PARVA: variants seen among roughly 807,000 people sequenced by gnomAD.
PARVA encodes the protein parvin alpha.
A neutral mutation model predicts 52.6 loss-of-function variants in PARVA; 25 were observed. The ratio of observed to expected loss-of-function variants is 0.48; its 90% CI spans 0.35 to 0.66. PARVA has a LOEUF of 0.66. Ranked by LOEUF, PARVA falls within the 30% of genes least tolerant of loss-of-function variation. The pLI, the probability that PARVA is intolerant of heterozygous loss-of-function variation, is 0.01. For missense variants in PARVA, 373 were observed against 450.9 expected (o/e 0.83, Z 1.56); for synonymous variants, 185 against 179.1 (o/e 1.03, Z -0.26).
chr11:12,388,865 AT>A (rs1292156946), intron 1 of PARVA, among the ~76,000 whole-genome samples: 1 of 151,776 alleles, frequency 6.6e-6, no homozygotes, highest in Non-Finnish European at 1.5e-5. Context: ...CTTTGGTCTC[AT>A]TTTTTTTCTT....
chr11:12,444,066 G>C (rs992537814), intron 1 of PARVA, among the ~76,000 whole-genome samples: 1 of 152,168 alleles, frequency 6.6e-6, no homozygotes, highest in Non-Finnish European at 1.5e-5. Context: ...TGGCTTCAGG[G>C]AGGCAGGTTT....
At chr11:12,462,100 TGGGAAAA>T (rs1335186688) in intron 1 of PARVA, among the ~76,000 whole-genome samples, 1 of 152,202 alleles carries the variant, frequency 6.6e-6, no homozygotes, top group African/African-American at 2.4e-5. Context: ...CAATCTCACA[TGGGAAAA>T]AAGTGAACCC....
chr11:12,423,240 G>A (rs1028832819), intron 1 of PARVA, among the ~76,000 whole-genome samples: 11 of 149,006 alleles, frequency 7.4e-5, no homozygotes, highest in African/African-American at 2.0e-4. Context: ...CTGCAGTGGC[G>A]TGAACACAGC....
chr11:12,436,603 G>A (rs1475744621), intron 1 of PARVA, among the ~76,000 whole-genome samples: 1 of 152,156 alleles, frequency 6.6e-6, no homozygotes, highest in Non-Finnish European at 1.5e-5. Context: ...AGGCCACAGG[G>A]AGACATTGAG....
At chr11:12,466,864 A>C (rs1940860636) in intron 1 of PARVA, among the ~76,000 whole-genome samples, 1 of 152,004 alleles carries the variant, frequency 6.6e-6, no homozygotes, top group Admixed American at 6.5e-5. Context: ...TTTGTTGGCT[A>C]CTCTAGGTCT....
At chr11:12,508,075 T>C (rs960664159) in intron 6 of PARVA, among the ~76,000 whole-genome samples, 21 of 139,062 alleles carry the variant, frequency 1.5e-4, no homozygotes, top group African/African-American at 5.2e-4. Flanking sequence ...TACTACTTAT[T>C]TAAAAGCTCC....
intron 1 of PARVA, among the ~76,000 whole-genome samples, chr11:12,426,091 C>T (rs1025450154): frequency 1.3e-5 from 2 of 152,058 alleles, no homozygotes; most frequent in Non-Finnish European, 2.9e-5. Flanking sequence ...TTCACAGTAC[C>T]GGGGGAGACG....
intron 1 of PARVA, among the ~76,000 whole-genome samples, chr11:12,457,286 A>T (rs1194594025): frequency 6.6e-6 from 1 of 152,168 alleles, no homozygotes; most frequent in African/African-American, 2.4e-5. Flanking sequence ...TGCTGTCAAC[A>T]TGAATTGTTG....
At position 12,535,288 on chromosome 11, in the gene PARVA, T is replaced by A. The variant is rs575213844; in HGVS notation, c.*7363T>A. ...TTCATTTACAGAATTTGCCCATTCA[T>A]GTGTCTTTGTGTTTATGGATTAAAT... On this transcript the variant is annotated 3_prime_UTR_variant, in exon 13 of 13. Coordinates refer to ENST00000334956, the MANE Select transcript of PARVA (RefSeq NM_018222.5). Among the ~76,000 whole-genome samples the A allele has an allele frequency of 6.6e-6, 1 of 152,236 alleles. No homozygotes were observed. The highest frequency in any genetic ancestry group is 1.5e-5 in the Non-Finnish European group (1 of 68,038).
At chr11:12,527,761 G>T (rs1941721815) in intron 12 of PARVA, 88 bp from the exon 13 acceptor site, 2 of 956,522 alleles carry the variant, frequency 2.1e-6, no homozygotes, top group Non-Finnish European at 3.4e-6. Flanking sequence ...ATGGGATTGG[G>T]TGGTGGGTGG....
chr11:12,431,605 C>T (rs903803341), intron 1 of PARVA, among the ~76,000 whole-genome samples: 3 of 152,230 alleles, frequency 2.0e-5, no homozygotes, highest in Non-Finnish European at 4.4e-5. Context: ...GTTAAAGGAC[C>T]TGTGTGCTCT....
At chr11:12,384,008 C>T (rs1939534549) in intron 1 of PARVA, among the ~76,000 whole-genome samples, 2 of 152,252 alleles carry the variant, frequency 1.3e-5, no homozygotes, top group South Asian at 4.2e-4. Flanking sequence ...TCTACCATAT[C>T]TGGCCAGTCC....
At chr11:12,441,520 T>C (rs1420677008) in intron 1 of PARVA, among the ~76,000 whole-genome samples, 1 of 152,020 alleles carries the variant, frequency 6.6e-6, no homozygotes, top group Non-Finnish European at 1.5e-5. Flanking sequence ...AAATGAGTGG[T>C]TTTGGTTAAT....
chr11:12,393,880 T>A (rs1031512459), intron 1 of PARVA, among the ~76,000 whole-genome samples: 5 of 152,200 alleles, frequency 3.3e-5, no homozygotes, highest in Non-Finnish European at 5.9e-5. Flanking sequence ...TTCCTCTGAA[T>A]AGTAGCTCAG....
intron 12 of PARVA, among the ~76,000 whole-genome samples, chr11:12,521,005 G>T (rs555761635): frequency 1.3e-5 from 2 of 152,106 alleles, no homozygotes; most frequent in African/African-American, 4.8e-5. Flanking sequence ...TTAGGGCATC[G>T]TGCCACATGT....
chr11:12,434,820 C>T (rs1940365290), intron 1 of PARVA, among the ~76,000 whole-genome samples: 1 of 152,148 alleles, frequency 6.6e-6, no homozygotes, highest in African/African-American at 2.4e-5. Flanking sequence ...GAGCAGTCCC[C>T]AACTTGAATC....
intron 7 of PARVA, among the ~76,000 whole-genome samples, chr11:12,511,259 G>A (rs1312649284): frequency 1.3e-5 from 2 of 152,138 alleles, no homozygotes; most frequent in Non-Finnish European, 2.9e-5. Flanking sequence ...ACTATGCCAG[G>A]CTTTGCATTA....
At chr11:12,415,123 GTCAT>G (rs200001948) in intron 1 of PARVA, among the ~76,000 whole-genome samples, 10,720 of 152,240 alleles carry the variant, frequency 0.07, 417 homozygotes, top group South Asian at 0.13. Context: ...TATTGAGAAT[GTCAT>G]GACTTAGGGA....
intron 1 of PARVA, among the ~76,000 whole-genome samples, chr11:12,384,286 T>A (rs1939539566): frequency 6.6e-6 from 1 of 152,248 alleles, no homozygotes; most frequent in African/African-American, 2.4e-5. Context: ...AAGAGTTATC[T>A]CTACCTGCTT....
Sources: gnomAD v4.1 joint callset for allele counts (sites outside exome capture counted in the v4.1 genomes callset) on GRCh38, gnomAD v4.1.1 for gene constraint, MANE v1.5 for transcripts, NCBI Gene and HGNC (gene_info 2026-07-23, HGNC 2026-07-21) for gene names.